The following TLN2 variants were observed in gnomAD, a reference collection of about 807,000 sequenced individuals.
TLN2 encodes talin-2.
Under a neutral mutation model 294.7 loss-of-function variants are expected in TLN2, and 118 were observed. The observed-to-expected ratio is 0.40, with a 90% CI of 0.34 to 0.47. The LOEUF (loss-of-function observed/expected upper bound fraction) is 0.47, where lower values mean the gene tolerates loss of function less well. Ranked by LOEUF, TLN2 falls within the 20% of genes least tolerant of loss-of-function variation. The pLI is 0.84. For synonymous variants in TLN2, 1,431 were observed against 1,304.5 expected, an observed-to-expected ratio of 1.10 and a Z score of -2.09; for missense variants, 3,083 against 3,282.2, an observed-to-expected ratio of 0.94 and a Z score of 1.48.
chr15:62,474,152 A>T (rs2037654493), intron 1 of TLN2, among the ~76,000 whole-genome samples: 1 of 152,198 alleles, frequency 6.6e-6, no homozygotes, highest in Admixed American at 6.5e-5. Context: ...GAGACTTATA[A>T]AAGAGGATTC....
chr15:62,456,600 A>G (rs554553708), intron 1 of TLN2, among the ~76,000 whole-genome samples: 1 of 152,338 alleles, frequency 6.6e-6, no homozygotes, highest in South Asian at 2.1e-4. Flanking sequence ...GTTATTGCCA[A>G]AGGAGGTAGT....
chr15:62,697,924 G>C, intron 15 of TLN2, 56 bp downstream of exon 15: 3 of 1,577,184 alleles, frequency 1.9e-6, no homozygotes, highest in Non-Finnish European at 2.6e-6. Flanking sequence ...CCGCATGCAG[G>C]GTGGACACCA....
chr15:62,736,212 T>C (rs532307124), intron 28 of TLN2, among the ~76,000 whole-genome samples: 1 of 150,878 alleles, frequency 6.6e-6, no homozygotes, highest in South Asian at 2.1e-4. Flanking sequence ...CCCAGATACT[T>C]GGGAGGCTGA....
rs759013939 is a variant in TLN2 at position 62,730,330 on chromosome 15, G to A, written c.3358+3141G>A. 3.9e-4 allele frequency among the ~76,000 whole-genome samples: 60 copies of A among 152,080 alleles called. 1 individual carries two copies. Among genetic ancestry groups the A allele is most frequent in the South Asian group, 8.3e-4 (4 of 4,808 alleles). On this transcript the variant is annotated intron_variant, in intron 28 of 58. Transcript: ENST00000636159. ...GCTGGGATTACAGGTGTGAGCCACC[G>A]CACCCAGCCTTATGTTTTAATTCTA...
intron 22 of TLN2, among the ~76,000 whole-genome samples, chr15:62,715,664 C>T (rs568384594): frequency 6.6e-6 from 1 of 152,158 alleles, no homozygotes; most frequent in Admixed American, 6.5e-5. Flanking sequence ...TGGCATATTG[C>T]CTTCCTCTTT....
At chr15:62,614,117 A>G (rs1249803110) in intron 2 of TLN2, among the ~76,000 whole-genome samples, 3 of 152,202 alleles carry the variant, frequency 2.0e-5, no homozygotes, top group African/African-American at 7.2e-5. Flanking sequence ...AGTTTATTGT[A>G]TATAAATTAT....
In TLN2 at chr15:62,717,648, A is replaced by C. The variant is rs1343356507; in HGVS notation, c.2836A>C (p.Lys946Gln). 3 of 1,605,206 alleles carry C rather than the reference A, an allele frequency of 1.9e-6. No homozygotes were observed. Among genetic ancestry groups the C allele is most frequent in the Non-Finnish European group, 2.6e-6 (3 of 1,176,378 alleles). Residue 946 changes from lysine to glutamine, a missense_variant, in exon 24 of 59, where the codon AAG becomes CAG. Physicochemically the swap from Lys to Gln is moderately conservative, Grantham distance 53 (BLOSUM62 1). Transcript: ENST00000636159. The stretch of plus-strand genomic sequence containing the variant: ...CTCCCAGAATGCAGCTGTTTCCAAC[A>C]AGAACCCTGCGGCCCAGCAGCAGCT... ...AASQNAAVSN[K>Q]NPAAQQQLVQ... is the part of the protein sequence containing the mutation.
rs561047637 is a variant in TLN2, at chr15:62,651,337, AAGC to A, written c.235-665_235-663del. 1.1e-4 allele frequency among the ~76,000 whole-genome samples: 17 copies of A among 152,314 alleles called. No individual in the cohort carries two copies. In the East Asian group the frequency reaches 1.2e-3, roughly 10 times the overall value. On this transcript the variant is annotated intron_variant, in intron 5 of 58. Coordinates refer to ENST00000636159, the MANE Select transcript of TLN2 (RefSeq NM_015059.3). ...TCAAATTTTTAAGAAATCTTTATGA[AAGC>A]AGTTATTTAGCACTGGAGAAAAAAT...
chr15:62,587,025 C>T (rs1328105363), intron 1 of TLN2, among the ~76,000 whole-genome samples: 2 of 152,168 alleles, frequency 1.3e-5, no homozygotes, highest in East Asian at 3.8e-4. Flanking sequence ...GTCACAGTAA[C>T]ACACTCACTC....
chr15:62,768,769 A>AAAAGCT (rs1460678039), intron 41 of TLN2, among the ~76,000 whole-genome samples: 10 of 152,218 alleles, frequency 6.6e-5, no homozygotes, highest in African/African-American at 2.4e-4. Flanking sequence ...CATGCCTTCA[A>AAAAGCT]AAAGCTTTGC....
At chr15:62,415,675 C>T (rs1292079652) in intron 1 of TLN2, among the ~76,000 whole-genome samples, 3 of 152,244 alleles carry the variant, frequency 2.0e-5, no homozygotes, top group East Asian at 1.9e-4. Context: ...CTGCCAGGCG[C>T]TCCTGGCACA....
At chr15:62,840,070 T>A (rs1306513136) in intron 58 of TLN2, among the ~76,000 whole-genome samples, 1 of 152,146 alleles carries the variant, frequency 6.6e-6, no homozygotes, top group Non-Finnish European at 1.5e-5. Flanking sequence ...CTGGACCGGG[T>A]CTTCCTCCAC....
intron 43 of TLN2, among the ~76,000 whole-genome samples, chr15:62,779,312 T>C (rs1170477742): frequency 6.6e-6 from 1 of 152,340 alleles, no homozygotes; most frequent in South Asian, 2.1e-4. Context: ...CTGTGGGATT[T>C]TGTGATGTGG....
Position 62,762,451 on chromosome 15 carries a change from C to G in TLN2, c.4959C>G (p.Ile1653Met), listed in dbSNP as rs1421447074. The G allele has an allele frequency of 1.2e-6, 2 of 1,613,606 alleles. No individual in the cohort carries two copies. Among genetic ancestry groups the G allele is most frequent in the Non-Finnish European group, 1.7e-6 (2 of 1,179,830 alleles). The change falls in exon 39 of 59, where the codon ATC becomes ATG. Residue 1653 changes from isoleucine to methionine, a missense_variant and splice_region_variant. By Grantham distance (10) the Ile-to-Met change is conservative. Transcript: ENST00000636159. ...CCATCAAGAGTCTCATCACTTCTATCAGGTCAGTTTCCCATCCGGAGGTTG... is the reference window on the plus strand; with the variant it reads ...CCATCAAGAGTCTCATCACTTCTATGAGGTCAGTTTCCCATCCGGAGGTTG... The part of the protein sequence containing the change: ...SDSIKSLITS[I>M]RDKAPGQREC...
At chr15:62,486,910 C>T (rs2038429372) in intron 1 of TLN2, among the ~76,000 whole-genome samples, 1 of 151,692 alleles carries the variant, frequency 6.6e-6, no homozygotes, top group South Asian at 2.1e-4. Context: ...CTAATGTTCA[C>T]AGAGAGCTCA....
At chr15:62,650,303 A>G (rs2052444153) in intron 5 of TLN2, 122 bp downstream of exon 5, 1 of 933,310 alleles carries the variant, frequency 1.1e-6, no homozygotes, top group Non-Finnish European at 1.6e-6. Context: ...GATGCATTGT[A>G]CTTTGTAAGG....
chr15:62,559,661 C>G (rs2042804369), intron 1 of TLN2, among the ~76,000 whole-genome samples: 1 of 152,178 alleles, frequency 6.6e-6, no homozygotes, highest in Non-Finnish European at 1.5e-5. Context: ...AGGCAAGGCT[C>G]TTTGGTGGCA....
chr15:62,559,382 G>A (rs2140585146), intron 1 of TLN2, among the ~76,000 whole-genome samples: 1 of 152,196 alleles, frequency 6.6e-6, no homozygotes, highest in South Asian at 2.1e-4. Context: ...TTTCATGGTG[G>A]GATTATCAAT....
intron 9 of TLN2, among the ~76,000 whole-genome samples, chr15:62,664,601 G>A (rs138523340): frequency 0.025 from 3,734 of 152,106 alleles, 79 homozygotes; most frequent in South Asian, 0.052. Context: ...GCCCACGCCT[G>A]TAATCCCAGC....
Sources: allele counts gnomAD v4.1 joint callset (sites outside exome capture counted in the v4.1 genomes callset), GRCh38; gene constraint gnomAD v4.1.1; transcripts MANE v1.5; gene names NCBI Gene and HGNC (gene_info 2026-07-23, HGNC 2026-07-21).